Variants in IFT43 observed in about 807,000 individuals in gnomAD.
The protein encoded by IFT43 is intraflagellar transport 43.
IFT43 carries 33 observed loss-of-function variants against 32.3 expected under a neutral mutation model. That is an observed-to-expected ratio of 1.02 (90% CI 0.77 to 1.37). The LOEUF is 1.37. Ranked by LOEUF, IFT43 falls within the 40% of genes most tolerant of loss-of-function variation. The pLI is 0.00. For synonymous variants in IFT43, 93 were observed against 98.2 expected, an observed-to-expected ratio of 0.95 and a Z score of 0.31; for missense variants, 274 against 265.9, an observed-to-expected ratio of 1.03 and a Z score of -0.21.
intron 5 of IFT43, among the ~76,000 whole-genome samples, chr14:76,065,279 T>C (rs2140067317): frequency 6.6e-6 from 1 of 152,328 alleles, no homozygotes; most frequent in South Asian, 2.1e-4. Flanking sequence ...ACACTTACCA[T>C]ATGCCAGCTA....
At chr14:76,057,711 C>T (rs1315134017) in intron 3 of IFT43, among the ~76,000 whole-genome samples, 1 of 152,160 alleles carries the variant, frequency 6.6e-6, no homozygotes, top group Non-Finnish European at 1.5e-5. Flanking sequence ...CCATTTGCCG[C>T]CCTTTGCCCC....
intron 1 of IFT43, 115 bp downstream of exon 1, chr14:75,985,955 G>A (rs2035514128): frequency 1.3e-6 from 2 of 1,539,706 alleles, no homozygotes; most frequent in African/African-American, 1.4e-5. Flanking sequence ...CGCCGCGCCG[G>A]GTGAGGCCCA....
At chr14:76,071,337 C>T (rs1347292922) in intron 5 of IFT43, among the ~76,000 whole-genome samples, 1 of 152,166 alleles carries the variant, frequency 6.6e-6, no homozygotes, top group African/African-American at 2.4e-5. Flanking sequence ...GCTCTACCTG[C>T]CGTACTTCAG....
chr14:76,047,561 A>G (rs1377063738), intron 3 of IFT43, among the ~76,000 whole-genome samples: 6 of 152,212 alleles, frequency 3.9e-5, no homozygotes, highest in Non-Finnish European at 8.8e-5. Context: ...GACAACAGCT[A>G]AGAAAAAGAG....
At position 75,989,385 on chromosome 14, in the gene IFT43, A is replaced by C. The variant is rs372242014; in HGVS notation, c.147+408A>C. On this transcript the variant is annotated intron_variant, in intron 2 of 8. Coordinates refer to ENST00000314067, the MANE Select transcript of IFT43 (RefSeq NM_001102564.3). ...CGCTTTCTACAGTCTTCCGGCAGGA[A>C]GCAGATCATTTACTGGCCTTACTTT... 1.2e-3 allele frequency among the ~76,000 whole-genome samples: 183 copies of C among 152,206 alleles called. 6 individuals are homozygous for C. The South Asian group carries it at 0.036, about 30-fold the overall frequency.
At chr14:76,009,861 C>T (rs1048494830) in intron 2 of IFT43, among the ~76,000 whole-genome samples, 2 of 151,810 alleles carry the variant, frequency 1.3e-5, no homozygotes, top group African/African-American at 2.4e-5. Context: ...GTGATGCAAT[C>T]TCAGCTCACT....
At chr14:76,081,370 C>G (rs933230900) in intron 5 of IFT43, among the ~76,000 whole-genome samples, 1 of 152,228 alleles carries the variant, frequency 6.6e-6, no homozygotes, top group African/African-American at 2.4e-5. Flanking sequence ...CTCACCCCAC[C>G]AGGCCTTTTT....
rs78339466 is a variant in IFT43 at position 76,021,504 on chromosome 14, A to G, written c.148-823A>G. 1.4e-3 allele frequency among the ~76,000 whole-genome samples: 207 copies of G among 152,368 alleles called. 1 individual carries two copies. Among genetic ancestry groups the G allele is most frequent in the African/African-American group, 4.6e-3 (190 of 41,578 alleles). ...TCATTTCAAAAAATGCATCAAAAGC[A>G]TATACTTACTGTTTGGTAACATGTT... is the stretch of plus-strand genomic sequence containing the variant. On this transcript the variant is annotated intron_variant, in intron 2 of 8. Transcript: ENST00000314067.
At chr14:76,079,328 A>T (rs1687322177) in intron 5 of IFT43, among the ~76,000 whole-genome samples, 1 of 152,242 alleles carries the variant, frequency 6.6e-6, no homozygotes, top group Admixed American at 6.5e-5. Flanking sequence ...GTAATATTAT[A>T]ATATCGGTGA....
chr14:76,034,545 C>A (rs1298164646), intron 3 of IFT43, among the ~76,000 whole-genome samples: 2 of 152,178 alleles, frequency 1.3e-5, no homozygotes, highest in Non-Finnish European at 2.9e-5. Context: ...AGCTAGGTAT[C>A]CCTGTGCAAA....
intron 2 of IFT43, among the ~76,000 whole-genome samples, chr14:76,016,171 T>C (rs1360802847): frequency 6.6e-6 from 1 of 152,190 alleles, no homozygotes; most frequent in Non-Finnish European, 1.5e-5. Flanking sequence ...TTTCTTTTAG[T>C]AGTTTTTATA....
At chr14:76,029,304 A>G (rs2036463513) in intron 3 of IFT43, among the ~76,000 whole-genome samples, 1 of 152,078 alleles carries the variant, frequency 6.6e-6, no homozygotes, top group African/African-American at 2.4e-5. Context: ...CCACTTTTTA[A>G]TGGGGTTATT....
chr14:76,080,362 C>G (rs1024593439), intron 5 of IFT43, among the ~76,000 whole-genome samples: 9 of 152,116 alleles, frequency 5.9e-5, no homozygotes, highest in Non-Finnish European at 1.5e-5. Flanking sequence ...ACTCTTTGTG[C>G]ACATTTGGAG....
chr14:76,059,574 C>T (rs951601673), intron 5 of IFT43: 7 of 590,064 alleles, frequency 1.2e-5, no homozygotes, highest in African/African-American at 9.3e-5. Flanking sequence ...TATCTGATAA[C>T]CCTGCTTATC....
chr14:76,023,986 C>T (rs1460610908), intron 3 of IFT43, among the ~76,000 whole-genome samples: 4 of 152,204 alleles, frequency 2.6e-5, no homozygotes, highest in African/African-American at 9.6e-5. Context: ...AAAACCCCTT[C>T]TTCATTCCTC....
At chr14:76,004,110 A>G (rs2035939621) in intron 2 of IFT43, among the ~76,000 whole-genome samples, 1 of 152,162 alleles carries the variant, frequency 6.6e-6, no homozygotes, top group African/African-American at 2.4e-5. Flanking sequence ...GTTGTCACTG[A>G]GAGATATTCT....
chr14:76,074,265 T>C (rs924966755), intron 5 of IFT43, among the ~76,000 whole-genome samples: 1 of 151,952 alleles, frequency 6.6e-6, no homozygotes. Flanking sequence ...TTGAAGAGAG[T>C]GGAGAGTTCC....
At chr14:76,075,176 A>G (rs1211246555) in intron 5 of IFT43, among the ~76,000 whole-genome samples, 1 of 152,202 alleles carries the variant, frequency 6.6e-6, no homozygotes, top group African/African-American at 2.4e-5. Context: ...GCGTATGGTC[A>G]GTCCTGTTCC....
intron 5 of IFT43, among the ~76,000 whole-genome samples, chr14:76,067,591 AAGAG>A (rs1178002703): frequency 3.3e-5 from 5 of 151,888 alleles, no homozygotes; most frequent in South Asian, 2.1e-4. Context: ...AAAAAAAAAA[AAGAG>A]AGAAGGCGCT....
Sources: allele counts gnomAD v4.1 joint callset (sites outside exome capture counted in the v4.1 genomes callset), GRCh38; gene constraint gnomAD v4.1.1; transcripts MANE v1.5; gene names NCBI Gene and HGNC (gene_info 2026-07-23, HGNC 2026-07-21).